The following MGAT5B variants were observed in gnomAD, a reference collection of about 807,000 sequenced individuals.
MGAT5B encodes alpha-1,6-mannosylglycoprotein 6-beta-N-acetylglucosaminyltransferase B, also known as N-acetylglucosaminyl-transferase Vb.
Under a neutral mutation model 95.1 loss-of-function variants are expected in MGAT5B, and 54 were observed. The ratio of observed to expected loss-of-function variants is 0.57; its 90% CI spans 0.46 to 0.71. MGAT5B has a LOEUF of 0.71. MGAT5B is among the 30% of genes least tolerant of loss of function. The pLI is 0.00. For missense variants in MGAT5B, 935 were observed against 1,088.6 expected, an observed-to-expected ratio of 0.86 and a Z score of 1.99; for synonymous variants, 464 against 451.0, an observed-to-expected ratio of 1.03 and a Z score of -0.36.
chr17:76,937,540 G>A (rs1969717242), intron 12 of MGAT5B, among the ~76,000 whole-genome samples: 1 of 151,976 alleles, frequency 6.6e-6, no homozygotes, highest in South Asian at 2.1e-4. Flanking sequence ...GATGGTGGGT[G>A]CATGGATGGA....
intron 8 of MGAT5B, among the ~76,000 whole-genome samples, chr17:76,911,877 T>C (rs1346311653): frequency 6.6e-6 from 1 of 152,168 alleles, no homozygotes; most frequent in African/African-American, 2.4e-5. Flanking sequence ...ATCCTGGCGC[T>C]GGAGCGTGCT....
chr17:76,922,886 G>A (rs1468826156), intron 8 of MGAT5B, among the ~76,000 whole-genome samples: 7 of 152,312 alleles, frequency 4.6e-5, no homozygotes, highest in South Asian at 4.1e-4. Context: ...CTGACATGGC[G>A]GGGAAGCCAG....
At chr17:76,898,895 A>G (rs1483307598) in intron 3 of MGAT5B, among the ~76,000 whole-genome samples, 1 of 152,146 alleles carries the variant, frequency 6.6e-6, no homozygotes, top group African/African-American at 2.4e-5. Context: ...AGCCTAAGTG[A>G]TGGAGCCCCG....
intron 1 of MGAT5B, 161 bp from the exon 2 acceptor site, chr17:76,872,690 G>GC: frequency 6.5e-7 from 1 of 1,534,222 alleles, no homozygotes; most frequent in Non-Finnish European, 8.8e-7. Flanking sequence ...ATAGTGGGGG[G>GC]GCCCTCCTGG....
chr17:76,926,801 G>A (rs539262341), intron 10 of MGAT5B, 71 bp downstream of exon 10: 157 of 1,552,772 alleles, frequency 1.0e-4, no homozygotes, highest in Non-Finnish European at 1.3e-4. Context: ...CACGAGAGGC[G>A]GCCAGGGTCT....
chr17:76,875,137 A>G (rs1256996869), intron 2 of MGAT5B, among the ~76,000 whole-genome samples: 3 of 152,222 alleles, frequency 2.0e-5, no homozygotes, highest in East Asian at 1.9e-4. Context: ...TTCTGATCAC[A>G]TAGAAGAGTT....
chr17:76,939,328 T>A (rs1189635498), intron 13 of MGAT5B, among the ~76,000 whole-genome samples: 1 of 151,830 alleles, frequency 6.6e-6, no homozygotes, highest in Non-Finnish European at 1.5e-5. Context: ...TGAAACCCTG[T>A]CTCTACTAAA....
chr17:76,875,590 T>C (rs546960491), intron 2 of MGAT5B, among the ~76,000 whole-genome samples: 1 of 151,584 alleles, frequency 6.6e-6, no homozygotes, highest in African/African-American at 2.4e-5. Context: ...TTTGTGTGTG[T>C]CTTTTCTCTC....
rs903112418 is a variant in MGAT5B, at chr17:76,948,897, G to A, written c.*59G>A. On this transcript the variant is annotated 3_prime_UTR_variant, in exon 18 of 18. Transcript: ENST00000569840. Reference sequence around the variant, plus strand: ...TGGCTCTCTCCTGCCGCGGGAGAAAGCACCAGCAGGTTCTGAGCCCTGGCT... The same window carrying A: ...TGGCTCTCTCCTGCCGCGGGAGAAAACACCAGCAGGTTCTGAGCCCTGGCT... The A allele has an allele frequency of 3.3e-5, 50 of 1,492,808 alleles. No homozygotes were observed. Among genetic ancestry groups the A allele is most frequent in the Non-Finnish European group, 2.3e-5 (26 of 1,113,350 alleles). The allele number at this position is 1,492,808 out of a possible 1,614,324, so 92.5% of individuals were successfully genotyped here.
intron 2 of MGAT5B, among the ~76,000 whole-genome samples, chr17:76,873,569 C>T (rs9905843): frequency 0.48 from 73,305 of 152,034 alleles, 18,889 homozygotes; most frequent in East Asian, 0.97. Flanking sequence ...CAGCAGTGAC[C>T]TTCTGCAGAG....
At chr17:76,890,635 C>T (rs971124622) in intron 3 of MGAT5B, among the ~76,000 whole-genome samples, 1 of 152,086 alleles carries the variant, frequency 6.6e-6, no homozygotes, top group African/African-American at 2.4e-5. Context: ...TCCTGAGTAG[C>T]TCAGCCTGCA....
At chr17:76,873,852 C>A (rs1967089885) in intron 2 of MGAT5B, among the ~76,000 whole-genome samples, 1 of 152,214 alleles carries the variant, frequency 6.6e-6, no homozygotes, top group Admixed American at 6.5e-5. Context: ...GATTCCCCTG[C>A]CCCTCTGGGG....
At chr17:76,913,407 G>A (rs954932401) in intron 8 of MGAT5B, among the ~76,000 whole-genome samples, 1 of 152,236 alleles carries the variant, frequency 6.6e-6, no homozygotes, top group African/African-American at 2.4e-5. Context: ...GACCTGGGCA[G>A]CTCAAACCAG....
chr17:76,870,001 G>A lies in MGAT5B; in HGVS notation c.68+904G>A, dbSNP rs1598878463. Among the ~76,000 whole-genome samples, 1 of 152,190 alleles carries A rather than the reference G, an allele frequency of 6.6e-6. No individual in the cohort carries two copies. On this transcript the variant is annotated intron_variant, in intron 1 of 17. Transcript: ENST00000569840. The surrounding 1 kb of genome is among the most constrained non-coding windows in gnomAD (Gnocchi z 5.0). ...GCGGGGCCCGAGTGTCACCCCGTGG[G>A]TAGCTGGGCAGCGAGGAAGCTGGGG...
intron 2 of MGAT5B, among the ~76,000 whole-genome samples, chr17:76,881,677 T>C (rs369579282): frequency 6.6e-6 from 1 of 152,212 alleles, no homozygotes; most frequent in East Asian, 1.9e-4. Flanking sequence ...AAGATTCAGA[T>C]GCTGCTGGGT....
rs1337945809 is a variant in MGAT5B at position 76,915,984 on chromosome 17, C to T, written c.1026-8982C>T. On this transcript the variant is annotated intron_variant, in intron 8 of 17. Coordinates refer to ENST00000569840, the MANE Select transcript of MGAT5B (RefSeq NM_001199172.2). This position sits in a 1 kb window ranked among gnomAD's most constrained non-coding sequence, Gnocchi z 8.7. ...GTAGGCAGAAGACCTACCTAGACTGCGGGTAAGGGGACAGAGAGGGAGCAG... is the reference window on the plus strand; with the variant it reads ...GTAGGCAGAAGACCTACCTAGACTGTGGGTAAGGGGACAGAGAGGGAGCAG... 1.3e-5 allele frequency among the ~76,000 whole-genome samples: 2 copies of T among 152,242 alleles called. No individual in the cohort carries two copies. Among genetic ancestry groups the T allele is most frequent in the South Asian group, 2.1e-4 (1 of 4,834 alleles).
chr17:76,879,155 G>A (rs1211295095), intron 2 of MGAT5B, among the ~76,000 whole-genome samples: 1 of 152,322 alleles, frequency 6.6e-6, no homozygotes, highest in East Asian at 1.9e-4. Context: ...CGTGGGGTGT[G>A]GGTAGGGAGC....
At chr17:76,943,630 G>GT (rs1969937666) in intron 15 of MGAT5B, among the ~76,000 whole-genome samples, 4 of 129,966 alleles carry the variant, frequency 3.1e-5, no homozygotes, top group Non-Finnish European at 3.3e-5. Context: ...GGGTGGGGGG[G>GT]GGGTCTCATT....
rs940728718 is a variant in MGAT5B at position 76,870,491 on chromosome 17, C to G, written c.68+1394C>G. The stretch of plus-strand genomic sequence containing the variant: ...GGTCCTCGCCCCTTCCGACCCCATC[C>G]CTGTCCCGCCCTCCGGGCCGCTGGG... On this transcript the variant is annotated intron_variant, in intron 1 of 17. Coordinates refer to ENST00000569840, the MANE Select transcript of MGAT5B (RefSeq NM_001199172.2). This position sits in a 1 kb window ranked among gnomAD's most constrained non-coding sequence, Gnocchi z 5.0. Among the ~76,000 whole-genome samples, 7 of 152,176 alleles carry G rather than the reference C, an allele frequency of 4.6e-5. No homozygotes were observed. The highest frequency in any genetic ancestry group is 3.3e-4 in the Admixed American group (5 of 15,284).
Sources: gnomAD v4.1 joint callset for allele counts (sites outside exome capture counted in the v4.1 genomes callset) on GRCh38, gnomAD v4.1.1 for gene constraint, Gnocchi (gnomAD v3.1) non-coding constraint, MANE v1.5 for transcripts, NCBI Gene and HGNC (gene_info 2026-07-23, HGNC 2026-07-21) for gene names.